Variants in DSCAML1 observed in about 807,000 individuals in gnomAD.
DSCAML1 encodes cell adhesion molecule DSCAML1.
In DSCAML1, 38 loss-of-function variants were observed where a neutral mutation model predicts 200.5. The ratio of observed to expected loss-of-function variants is 0.19; its 90% CI spans 0.15 to 0.25. The LOEUF is 0.25. Ranked by LOEUF, DSCAML1 falls within the 10% of genes least tolerant of loss-of-function variation. The probability of loss-of-function intolerance (pLI) is 1.00; values close to 1 mark genes in which losing one functional copy is unlikely to be tolerated. For missense variants in DSCAML1, 2,223 were observed against 2,858.8 expected (o/e 0.78, Z 5.07); for synonymous variants, 1,215 against 1,165.0 (o/e 1.04, Z -0.87).
rs759713899 is a variant in DSCAML1 at position 117,505,119 on chromosome 11, G to C, written c.2063-76C>G. ...TCTCCTAGGGCTTCGAGCACCTTCT[G>C]TTTGAGGTCAGCCCTGCCCGGGCCA... is the stretch of plus-strand genomic sequence containing the variant. On this transcript the variant is annotated intron_variant, in intron 9 of 32. Transcript: ENST00000651296. This position sits in a 1 kb window ranked among gnomAD's most constrained non-coding sequence, Gnocchi z 6.7. 15 of 1,556,614 alleles carry C rather than the reference G, an allele frequency of 9.6e-6. No individual in the cohort carries two copies. The South Asian group carries it at 1.8e-4, about 19-fold the overall frequency.
At chr11:117,629,985 T>G (rs2052136470) in intron 3 of DSCAML1, among the ~76,000 whole-genome samples, 1 of 152,224 alleles carries the variant, frequency 6.6e-6, no homozygotes, top group Admixed American at 6.5e-5. Context: ...CACTCTAGCC[T>G]GGGTGACACT....
intron 19 of DSCAML1, among the ~76,000 whole-genome samples, chr11:117,453,321 C>T (rs1215268923): frequency 2.0e-5 from 3 of 151,986 alleles, no homozygotes; most frequent in Admixed American, 1.3e-4. Context: ...TTTACCCATA[C>T]ATTCAGCATT....
chr11:117,523,427 G>A (rs555982787), intron 5 of DSCAML1, among the ~76,000 whole-genome samples: 1 of 152,310 alleles, frequency 6.6e-6, no homozygotes, highest in African/African-American at 2.4e-5. Flanking sequence ...GGGCTTGTTT[G>A]TACGAGAGGA....
intron 3 of DSCAML1, among the ~76,000 whole-genome samples, chr11:117,684,437 A>C (rs1320499421): frequency 1.5e-5 from 2 of 137,912 alleles, no homozygotes; most frequent in African/African-American, 2.6e-5. Flanking sequence ...TCATTAACTA[A>C]AAAAAAAAAA....
intron 1 of DSCAML1, among the ~76,000 whole-genome samples, chr11:117,785,636 T>A (rs1486832261): frequency 2.6e-5 from 4 of 152,180 alleles, no homozygotes; most frequent in Non-Finnish European, 5.9e-5. Context: ...CCGACAGTGG[T>A]GCCTGAGGTT....
At chr11:117,558,817 T>C (rs924125000) in intron 3 of DSCAML1, among the ~76,000 whole-genome samples, 4 of 152,202 alleles carry the variant, frequency 2.6e-5, no homozygotes, top group African/African-American at 9.7e-5. Flanking sequence ...GACTGGGGGC[T>C]ACATACATCA....
Position 117,516,407 on chromosome 11 carries a change from A to C in DSCAML1, c.1783+60T>G. ...TGTTGTCTGAGTCCCAGCTGGGGAA[A>C]GGCCCACGCATCCTGGGTGGTCAGG... On this transcript the variant is annotated intron_variant, in intron 8 of 32. Coordinates refer to ENST00000651296, the MANE Select transcript of DSCAML1 (RefSeq NM_020693.4). The surrounding 1 kb of genome is among the most constrained non-coding windows in gnomAD (Gnocchi z 5.7). The C allele has an allele frequency of 6.4e-7, 1 of 1,561,484 alleles. No individual in the cohort carries two copies. The highest frequency in any genetic ancestry group is 8.7e-7 in the Non-Finnish European group (1 of 1,151,412).
chr11:117,617,528 G>A (rs1486392969), intron 3 of DSCAML1, among the ~76,000 whole-genome samples: 1 of 152,060 alleles, frequency 6.6e-6, no homozygotes, highest in African/African-American at 2.4e-5. Context: ...CTCTTAATTG[G>A]ATGAGTTTAT....
At chr11:117,609,031 C>CAAA (rs550754227) in intron 3 of DSCAML1, among the ~76,000 whole-genome samples, 1 of 124,502 alleles carries the variant, frequency 8.0e-6, no homozygotes, top group African/African-American at 3.5e-5. Context: ...AACAAACAAA[C>CAAA]AAACAAAAAA....
At chr11:117,781,125 C>G (rs1481218317) in intron 1 of DSCAML1, among the ~76,000 whole-genome samples, 1 of 151,942 alleles carries the variant, frequency 6.6e-6, no homozygotes. Flanking sequence ...GATGAAACCC[C>G]GTTTCTACTA....
At chr11:117,624,558 A>T (rs1333542990) in intron 3 of DSCAML1, among the ~76,000 whole-genome samples, 1 of 151,588 alleles carries the variant, frequency 6.6e-6, no homozygotes, top group Non-Finnish European at 1.5e-5. Context: ...TATGGGTGAG[A>T]TAGTCCTTTA....
chr11:117,621,291 G>A (rs2051924430), intron 3 of DSCAML1, among the ~76,000 whole-genome samples: 1 of 152,190 alleles, frequency 6.6e-6, no homozygotes, highest in South Asian at 2.1e-4. Context: ...ACACATTTGA[G>A]ACCATACAGA....
intron 3 of DSCAML1, among the ~76,000 whole-genome samples, chr11:117,591,034 T>C (rs1242731293): frequency 6.6e-6 from 1 of 152,152 alleles, no homozygotes. Flanking sequence ...GTGATGGGTA[T>C]ATGAGGTTCA....
At position 117,534,423 on chromosome 11, in the gene DSCAML1, T is replaced by G. The variant is rs151221071; in HGVS notation, c.512-1901A>C. 2.3e-3 allele frequency among the ~76,000 whole-genome samples: 352 copies of G among 152,216 alleles called. 4 individuals carry two copies. The highest frequency in any genetic ancestry group is 6.6e-3 in the African/African-American group (275 of 41,540). ...CTCAGCAGCCCATTCCAAAGTTGAC[T>G]TTTAGATCAGTCTTCCTTGGTGACC... On this transcript the variant is annotated intron_variant, in intron 3 of 32. Coordinates refer to ENST00000651296, the MANE Select transcript of DSCAML1 (RefSeq NM_020693.4).
At chr11:117,812,846 G>A (rs866567433) in intron 1 of DSCAML1, among the ~76,000 whole-genome samples, 21 of 149,530 alleles carry the variant, frequency 1.4e-4, no homozygotes, top group Non-Finnish European at 2.4e-4. Flanking sequence ...AGCCAGGACC[G>A]CACACTGTAG....
chr11:117,581,152 C>T (rs1051724455), intron 3 of DSCAML1, among the ~76,000 whole-genome samples: 8 of 152,168 alleles, frequency 5.3e-5, no homozygotes, highest in East Asian at 1.9e-4. Context: ...GAAAAATTGC[C>T]GTGCCTGTGC....
intron 3 of DSCAML1, among the ~76,000 whole-genome samples, chr11:117,769,158 T>C (rs1366388801): frequency 2.7e-5 from 1 of 37,718 alleles, no homozygotes; most frequent in Admixed American, 6.5e-4. Flanking sequence ...ATATTTTATA[T>C]ATATTATATA....
At chr11:117,547,970 C>T (rs1326651076) in intron 3 of DSCAML1, among the ~76,000 whole-genome samples, 1 of 152,196 alleles carries the variant, frequency 6.6e-6, no homozygotes, top group African/African-American at 2.4e-5. Flanking sequence ...CAGCTCACAT[C>T]CCCTTCCTGG....
intron 3 of DSCAML1, among the ~76,000 whole-genome samples, chr11:117,746,375 G>T (rs143302200): frequency 9.8e-5 from 15 of 152,302 alleles, no homozygotes; most frequent in Non-Finnish European, 1.9e-4. Context: ...CCTGAGACCT[G>T]ATGGTAGAGC....
Sources: allele counts gnomAD v4.1 joint callset (sites outside exome capture counted in the v4.1 genomes callset), GRCh38; gene constraint gnomAD v4.1.1; non-coding constraint Gnocchi (gnomAD v3.1); transcripts MANE v1.5; gene names NCBI Gene and HGNC (gene_info 2026-07-23, HGNC 2026-07-21).